The following MYH3 variants were observed in gnomAD, a reference collection of about 807,000 sequenced individuals.
MYH3 encodes the protein myosin-3.
A neutral mutation model predicts 238.0 loss-of-function variants in MYH3; 130 were observed. That is an observed-to-expected ratio of 0.55 (90% CI 0.47 to 0.63). MYH3 has a LOEUF of 0.63. Among genes scored for constraint, MYH3 ranks in the 30% least tolerant of loss-of-function variants. The pLI is 0.00. For synonymous variants in MYH3, 880 were observed against 924.1 expected, an observed-to-expected ratio of 0.95 and a Z score of 0.86; for missense variants, 1,853 against 2,374.9, an observed-to-expected ratio of 0.78 and a Z score of 4.57.
rs368299686 is a variant in MYH3 at position 10,638,163 on chromosome 17, C to G, written c.3609G>C (p.Glu1203Asp). 4.3e-6 allele frequency: 7 copies of G among 1,613,852 alleles called. No homozygotes were observed. The African/African-American group carries it at 6.7e-5, about 15-fold the overall frequency. ...GCAGGTTGTCAATCTGCTCCCCAAG[C>G]TCGGCCACACTATCCGCATGCTTCT... Reference protein sequence around the residue: ...LRKKHADSVAELGEQIDNLQR... With the variant: ...LRKKHADSVADLGEQIDNLQR... Residue 1203 changes from glutamate to aspartate, a missense_variant, in exon 27 of 41, where the codon GAG (glutamate) becomes GAC (aspartate). Around this residue, in one of 3 missense-constraint regions of MYH3, gnomAD observed 1,044 missense variants for 1,192.6 expected, o/e 0.88. Transcript: ENST00000583535.
In MYH3 at chr17:10,649,606, G is replaced by A; in HGVS notation, c.613C>T (p.Leu205=). ...YFATIAATGD[L]AKKKDSKMKG... is the part of the protein sequence containing the mutation. ...ATTTTGGAGTCCTTCTTCTTGGCCA[G>A]GTCCCCAGTAGCTGCAATTGTTGCA... The change falls in exon 7 of 41, where the codon CTG becomes TTG. Residue 205 remains leucine, a synonymous_variant. Transcript: ENST00000583535. 1 of 1,614,224 alleles carries A rather than the reference G, an allele frequency of 6.2e-7. No homozygotes were observed. Among genetic ancestry groups the A allele is most frequent in the Non-Finnish European group, 8.5e-7 (1 of 1,180,030 alleles).
In MYH3 at chr17:10,637,948, G is replaced by A; in HGVS notation, c.3730-13C>T. 6.2e-7 allele frequency: 1 copy of A among 1,614,176 alleles called. No individual in the cohort carries two copies. The highest frequency in any genetic ancestry group is 8.5e-7 in the Non-Finnish European group (1 of 1,180,028). On this transcript the variant is annotated splice_polypyrimidine_tract_variant and intron_variant, in intron 27 of 40. Transcript: ENST00000583535. ...TTTCCAGATTTGCCTGAAGGATTCAGAAAGGGGAGCAAAGTCAGTCAGCAA... is the reference window on the plus strand; with the variant it reads ...TTTCCAGATTTGCCTGAAGGATTCAAAAAGGGGAGCAAAGTCAGTCAGCAA...
Position 10,645,582 on chromosome 17 carries a change from C to A in MYH3, c.1141+125G>T, listed in dbSNP as rs527590526. 8 of 1,284,062 alleles carry A rather than the reference C, an allele frequency of 6.2e-6. No homozygotes were observed. The South Asian group carries it at 9.5e-5, about 15-fold the overall frequency. The allele number at this position is 1,284,062 out of a possible 1,614,324, so 79.5% of individuals were successfully genotyped here. The stretch of plus-strand genomic sequence containing the variant: ...AGGTGATCTGGCCCCCTCAGCCTCC[C>A]AAAGTGCTGGGATTACAGGTGTGAG... On this transcript the variant is annotated intron_variant, in intron 12 of 40. Transcript: ENST00000583535.
In MYH3 at chr17:10,631,637, C is replaced by T. The variant is rs1419843000; in HGVS notation, c.5260G>A (p.Glu1754Lys). The T allele has an allele frequency of 1.2e-6, 2 of 1,614,152 alleles. No individual in the cohort carries two copies. Among genetic ancestry groups the T allele is most frequent in the East Asian group, 2.2e-5 (1 of 44,880 alleles). ...DASRDARNAE[E>K]KAKKAITDAA... ...TCCGTGATGGCCTTCTTGGCCTTCT[C>T]CTCAGCGTTCCTTGCATCCCTGCTG... Residue 1754 changes from glutamate (E) to lysine (K), a missense_variant, in exon 36 of 41, where the codon GAG (glutamate) becomes AAG (lysine). Glu to Lys is a moderately conservative substitution (Grantham distance 56, BLOSUM62 1). Coordinates refer to ENST00000583535, the MANE Select transcript of MYH3 (RefSeq NM_002470.4).
rs149937046 is a variant in MYH3 at position 10,649,338 on chromosome 17, T to G, written c.642+239A>C. On this transcript the variant is annotated intron_variant, in intron 7 of 40. Transcript: ENST00000583535. ...CAAGCTCTCTGAGCCGTCTGCAGATTGACCTCTGAAGTTTAGCCCTAGAGC... is the reference window on the plus strand; with the variant it reads ...CAAGCTCTCTGAGCCGTCTGCAGATGGACCTCTGAAGTTTAGCCCTAGAGC... Among the ~76,000 whole-genome samples, 5 of 152,350 alleles carry G rather than the reference T, an allele frequency of 3.3e-5. No individual in the cohort carries two copies. In the South Asian group the frequency reaches 1.0e-3, roughly 32 times the overall value.
At chr17:10,663,031 G>A in the MYH3 span, among the ~76,000 whole-genome samples, 3 of 152,042 alleles carry the variant, frequency 2.0e-5, no homozygotes, top group Non-Finnish European at 4.4e-5. Context: ...AGGTTGCAGT[G>A]AGCCGAGATT....
At chr17:10,661,677 G>A (rs758159517), upstream of MYH3, among the ~76,000 whole-genome samples, 2 of 152,118 alleles carry the variant, frequency 1.3e-5, no homozygotes, top group Non-Finnish European at 2.9e-5. Flanking sequence ...CTCCACCGCC[G>A]CCGTTTGATG....
intron 31 of MYH3, among the ~76,000 whole-genome samples, chr17:10,634,508 C>T (rs2142387972): frequency 6.6e-6 from 1 of 152,036 alleles, no homozygotes; most frequent in Non-Finnish European, 1.5e-5. Flanking sequence ...CTTTATCTGC[C>T]ATCTTGAAAG....
chr17:10,632,396 G>T, intron 34 of MYH3, 80 bp downstream of exon 34: 1 of 1,497,894 alleles, frequency 6.7e-7, no homozygotes, highest in Non-Finnish European at 9.2e-7. Context: ...TGGGACTACA[G>T]GCGTGCACCA....
In MYH3 at chr17:10,629,828, C is replaced by T. The variant is rs1477853529; in HGVS notation, c.5658+14G>A. 1 of 1,613,938 alleles carries T rather than the reference C, an allele frequency of 6.2e-7. No homozygotes were observed. Among genetic ancestry groups the T allele is most frequent in the Non-Finnish European group, 8.5e-7 (1 of 1,180,040 alleles). On this transcript the variant is annotated intron_variant, in intron 39 of 40. Coordinates refer to ENST00000583535, the MANE Select transcript of MYH3 (RefSeq NM_002470.4). The stretch of plus-strand genomic sequence containing the variant: ...CACGGTCTGCCTGCCGCAGTCAGCA[C>T]CTATCTCACTTACAGCCTCCTCCGC...
In MYH3 at chr17:10,638,247, C is replaced by A; in HGVS notation, c.3525G>T (p.Leu1175=). ...GTGTGGCCTCCTCCAGGTCCCTGCG[C>A]AGCTTCAGGAACTCCGCCTCCCGCT... ...NKKREAEFLK[L]RRDLEEATLQ... The change falls in exon 27 of 41, where the codon CTG becomes CTT. Residue 1175 remains leucine (L), a synonymous_variant. Transcript: ENST00000583535. 6.2e-7 allele frequency: 1 copy of A among 1,613,948 alleles called. No individual in the cohort carries two copies. The highest frequency in any genetic ancestry group is 8.5e-7 in the Non-Finnish European group (1 of 1,180,002).
chr17:10,632,723 T>A lies in MYH3; in HGVS notation c.4709A>T (p.Lys1570Ile). The change falls in exon 34 of 41, where the codon AAA becomes ATA. Residue 1570 changes from lysine to isoleucine, a missense_variant. By Grantham distance (102) the Lys-to-Ile change is moderately radical (BLOSUM62 -3). Around this residue, in one of 3 missense-constraint regions of MYH3, gnomAD observed 1,044 missense variants for 1,192.6 expected, o/e 0.88. Coordinates refer to ENST00000583535, the MANE Select transcript of MYH3 (RefSeq NM_002470.4). Reference sequence around the variant, plus strand: ...GGCGATCTTTCTATCAATTTCTGATTTCACTTGTGTCAATTCAAGCTGGAT... The same window carrying A: ...GGCGATCTTTCTATCAATTTCTGATATCACTTGTGTCAATTCAAGCTGGAT... ...LRIQLELTQVKSEIDRKIAEK... is the reference protein window; with the variant it reads ...LRIQLELTQVISEIDRKIAEK... The A allele has an allele frequency of 6.2e-7, 1 of 1,614,232 alleles. No homozygotes were observed. The highest frequency in any genetic ancestry group is 8.5e-7 in the Non-Finnish European group (1 of 1,180,030).
Position 10,637,884 on chromosome 17 carries a change from TG to T in MYH3, c.3780del (p.Arg1261GlyfsTer11), listed in dbSNP as rs778147170. On this transcript the variant is annotated frameshift_variant, in exon 28 of 41. Transcript: ENST00000583535. LOFTEE classifies it high-confidence loss of function. ...CTCTGAATTTCCTCATTCTTGCCCC[TG>T]GCCTCACTTAACTGATCCTCCAGGG... Reference protein sequence around the residue: ...CRTLEDQLSEARGKNEEIQRS... With the variant: ...CRTLEDQLSEXRGKNEEIQRS... 6.2e-7 allele frequency: 1 copy of T among 1,614,152 alleles called. No homozygotes were observed. Among genetic ancestry groups the T allele is most frequent in the South Asian group, 1.1e-5 (1 of 91,080 alleles).
At chr17:10,671,649 G>A in the MYH3 span, among the ~76,000 whole-genome samples, 167 of 141,946 alleles carry the variant, frequency 1.2e-3, 1 homozygote, top group African/African-American at 3.8e-3. Context: ...GTGTGATCTC[G>A]GCTCACTGCA....
upstream of MYH3, among the ~76,000 whole-genome samples, chr17:10,661,652 C>T (rs2074481166): frequency 6.6e-6 from 1 of 152,178 alleles, no homozygotes; most frequent in Admixed American, 6.5e-5. Flanking sequence ...CGGTCACTTC[C>T]TGCCCAGCTA....
chr17:10,665,919 C>T, the MYH3 span, among the ~76,000 whole-genome samples: 1 of 152,076 alleles, frequency 6.6e-6, no homozygotes, highest in Non-Finnish European at 1.5e-5. Context: ...GACTGACCAG[C>T]GGAACAGCAT....
chr17:10,636,632 T>C (rs969603783), intron 28 of MYH3, among the ~76,000 whole-genome samples: 1 of 152,070 alleles, frequency 6.6e-6, no homozygotes, highest in Non-Finnish European at 1.5e-5. Context: ...GTGGCCACCA[T>C]AGGCCGGGTG....
intron 2 of MYH3, 29 bp from the exon 3 acceptor site, chr17:10,655,101 A>C: frequency 1.3e-6 from 2 of 1,589,748 alleles, no homozygotes; most frequent in Non-Finnish European, 1.7e-6. Context: ...CGGTGAGCTC[A>C]GCAGCCCCCT....
chr17:10,643,300 C>T (rs1487153767), intron 14 of MYH3, among the ~76,000 whole-genome samples: 3 of 152,170 alleles, frequency 2.0e-5, no homozygotes, highest in Non-Finnish European at 2.9e-5. Context: ...AGACTACAAG[C>T]TCATCTGTTT....
Sources: gnomAD v4.1 joint callset for allele counts (sites outside exome capture counted in the v4.1 genomes callset) on GRCh38, gnomAD v4.1.1 for gene constraint, gnomAD v4.1.1 regional missense constraint, MANE v1.5 for transcripts, NCBI Gene and HGNC (gene_info 2026-07-23, HGNC 2026-07-21) for gene names.